TRIP12: variants seen among roughly 807,000 people sequenced by gnomAD.
The protein encoded by TRIP12 is thyroid hormone receptor interactor 12.
In TRIP12, 25 loss-of-function variants were observed where a neutral mutation model predicts 244.2. The observed-to-expected ratio is 0.10, with a 90% confidence interval of 0.07 to 0.14. The LOEUF (loss-of-function observed/expected upper bound fraction) is 0.14, where lower values mean the gene tolerates loss of function less well. Among genes scored for constraint, TRIP12 ranks in the 10% least tolerant of loss-of-function variants. TRIP12 has a pLI of 1.00. For missense variants in TRIP12, 1,677 were observed against 2,486.4 expected (o/e 0.67, Z 6.92); for synonymous variants, 905 against 873.1 (o/e 1.04, Z -0.64).
chr2:229,863,177 C>T (rs568488386), intron 2 of TRIP12, among the ~76,000 whole-genome samples: 3 of 149,806 alleles, frequency 2.0e-5, no homozygotes, highest in East Asian at 2.0e-4. Context: ...TGCAGTGAGC[C>T]GCGATCGTGT....
intron 4 of TRIP12, among the ~76,000 whole-genome samples, chr2:229,842,526 C>T (rs2056673808): frequency 6.6e-6 from 1 of 151,956 alleles, no homozygotes; most frequent in South Asian, 2.1e-4. Flanking sequence ...AGTAGACTTA[C>T]GAATGTACAG....
intron 8 of TRIP12, among the ~76,000 whole-genome samples, chr2:229,824,854 A>G (rs1393205793): frequency 6.6e-6 from 1 of 152,230 alleles, no homozygotes; most frequent in Non-Finnish European, 1.5e-5. Flanking sequence ...GGAAAGCAAA[A>G]GAAGATAAGA....
intron 1 of TRIP12, among the ~76,000 whole-genome samples, chr2:229,883,986 G>A (rs576913186): frequency 6.6e-6 from 1 of 151,772 alleles, no homozygotes; most frequent in Non-Finnish European, 1.5e-5. Flanking sequence ...GTGCGCACCT[G>A]TAAAATCCCA....
At chr2:229,889,399 G>A (rs896505826) in intron 1 of TRIP12, among the ~76,000 whole-genome samples, 1 of 152,126 alleles carries the variant, frequency 6.6e-6, no homozygotes, top group Non-Finnish European at 1.5e-5. Context: ...TCCTGTCTTA[G>A]CTCAGATGGC....
chr2:229,791,967 T>C lies in TRIP12; in HGVS notation c.4314A>G (p.Val1438=). 1 of 1,614,180 alleles carries C rather than the reference T, an allele frequency of 6.2e-7. No homozygotes were observed. The change falls in exon 29 of 42, where the codon GTA becomes GTG. Residue 1438 remains valine, a synonymous_variant. Transcript: ENST00000675903. ...CTTCAGCCTGTATACTAAACTGCCG[T>C]ACTGCCTGATACACAGTCATGTTAT... The part of the protein sequence containing the change: ...LPYNMTVYQA[V]RQFSIQAEDE...
rs201680858 is a variant in TRIP12 at position 229,818,460 on chromosome 2, T to C, written c.1503A>G (p.Gln501=). 8.7e-6 allele frequency: 14 copies of C among 1,614,182 alleles called. No individual in the cohort carries two copies. The Middle Eastern group carries it at 9.9e-4, about 114-fold the overall frequency. Residue 501 remains glutamine (Q), a synonymous_variant, in exon 9 of 42, where the codon CAA becomes CAG. Coordinates refer to ENST00000675903, the MANE Select transcript of TRIP12 (RefSeq NM_001348323.3). ...ACATCTCAATAACTGCCTGAAGCTGTTGACTTTCATCACTGGCTTGCAATC... is the reference window on the plus strand; with the variant it reads ...ACATCTCAATAACTGCCTGAAGCTGCTGACTTTCATCACTGGCTTGCAATC... ...LQGLQASDES[Q]QLQAVIEMCQ...
At chr2:229,903,011 TTTTTTTC>T (rs1308975107) in intron 1 of TRIP12, among the ~76,000 whole-genome samples, 1 of 26,346 alleles carries the variant, frequency 3.8e-5, no homozygotes, top group Non-Finnish European at 7.9e-5. Flanking sequence ...TTTCTTTTTC[TTTTTTTC>T]TTTTTTTTTT....
chr2:229,774,062 C>T, intron 38 of TRIP12, 35 bp downstream of exon 38: 1 of 1,598,406 alleles, frequency 6.3e-7, no homozygotes, highest in East Asian at 2.2e-5. Context: ...TCCGTCTTCA[C>T]AACTGGCCTA....
At chr2:229,825,651 A>C (rs930536039) in intron 8 of TRIP12, among the ~76,000 whole-genome samples, 3 of 152,200 alleles carry the variant, frequency 2.0e-5, no homozygotes, top group African/African-American at 7.2e-5. Flanking sequence ...TCAGGAGAAC[A>C]GCATGGGGGA....
intron 25 of TRIP12, among the ~76,000 whole-genome samples, chr2:229,795,622 CTTTA>C (rs1380660817): frequency 2.6e-5 from 4 of 152,082 alleles, no homozygotes; most frequent in Admixed American, 6.6e-5. Context: ...TATTTACAGT[CTTTA>C]TTTATCTGAT....
intron 4 of TRIP12, among the ~76,000 whole-genome samples, chr2:229,847,109 G>A (rs969581466): frequency 6.6e-6 from 1 of 152,182 alleles, no homozygotes; most frequent in African/African-American, 2.4e-5. Context: ...AATATAACCA[G>A]TGACTTAACA....
At chr2:229,774,314 T>C (rs922896272) in intron 37 of TRIP12, 53 bp from the exon 38 acceptor site, 18 of 1,533,434 alleles carry the variant, frequency 1.2e-5, no homozygotes, top group Non-Finnish European at 1.4e-5. Flanking sequence ...AACTTACGGT[T>C]GTTTAAAAAA....
At chr2:229,916,375 TTGAA>T (rs2075375355) in intron 1 of TRIP12, among the ~76,000 whole-genome samples, 1 of 152,166 alleles carries the variant, frequency 6.6e-6, no homozygotes, top group Non-Finnish European at 1.5e-5. Context: ...TCTAGACCAT[TTGAA>T]TGACTTTTTA....
At chr2:229,804,267 G>T (rs759178254) in intron 18 of TRIP12, 40 bp from the exon 19 acceptor site, 1 of 1,465,034 alleles carries the variant, frequency 6.8e-7, no homozygotes, top group Non-Finnish European at 9.4e-7. Context: ...ATCCTGAAGT[G>T]ACAGACTTCA....
intron 2 of TRIP12, among the ~76,000 whole-genome samples, chr2:229,866,871 T>C (rs2061583932): frequency 6.6e-6 from 1 of 152,136 alleles, no homozygotes; most frequent in South Asian, 2.1e-4. Context: ...GAAAAAAAGC[T>C]TTCCAGTCAA....
chr2:229,920,967 T>G (rs1215809370), intron 1 of TRIP12, among the ~76,000 whole-genome samples: 3 of 152,140 alleles, frequency 2.0e-5, no homozygotes, highest in African/African-American at 7.2e-5. Context: ...TATAAATAAA[T>G]TAATCGCCTG....
chr2:229,919,631 T>G (rs772912118), intron 1 of TRIP12, among the ~76,000 whole-genome samples: 87 of 150,092 alleles, frequency 5.8e-4, no homozygotes, highest in East Asian at 7.9e-4. Context: ...AAAAGAAAAA[T>G]AAAGCCTGTT....
At chr2:229,767,995 G>T (rs2032435112) in intron 41 of TRIP12, among the ~76,000 whole-genome samples, 1 of 152,160 alleles carries the variant, frequency 6.6e-6, no homozygotes. Context: ...TACCCACAGT[G>T]GTTCACGCCC....
At chr2:229,783,113 A>AG (rs1367777155) in intron 34 of TRIP12, among the ~76,000 whole-genome samples, 4 of 152,268 alleles carry the variant, frequency 2.6e-5, no homozygotes, top group Non-Finnish European at 5.9e-5. Context: ...CTACAGCTCC[A>AG]GCCCCAGGGT....
Sources: allele counts gnomAD v4.1 joint callset (sites outside exome capture counted in the v4.1 genomes callset), GRCh38; gene constraint gnomAD v4.1.1; transcripts MANE v1.5; gene names NCBI Gene and HGNC (gene_info 2026-07-23, HGNC 2026-07-21).